Variants in CADM2 observed in about 807,000 individuals in gnomAD.
CADM2 encodes cell adhesion molecule 2.
A neutral mutation model predicts 49.8 loss-of-function variants in CADM2; 12 were observed. That is an observed-to-expected ratio of 0.24 (90% CI 0.15 to 0.39). The LOEUF (loss-of-function observed/expected upper bound fraction) is 0.39. Among genes scored for constraint, CADM2 ranks in the 10% least tolerant of loss-of-function variants. CADM2 has a pLI of 1.00. For missense variants in CADM2, 378 were observed against 492.3 expected (o/e 0.77, Z 2.20); for synonymous variants, 214 against 175.4 (o/e 1.22, Z -1.74).
chr3:85,815,347 T>C (rs984679761), intron 3 of CADM2, among the ~76,000 whole-genome samples: 5 of 152,196 alleles, frequency 3.3e-5, no homozygotes, highest in Admixed American at 6.5e-5. Flanking sequence ...AAATCCTCAA[T>C]AAAATACTGG....
intron 1 of CADM2, among the ~76,000 whole-genome samples, chr3:85,395,681 C>A (rs2034750366): frequency 2.0e-5 from 3 of 151,988 alleles, no homozygotes; most frequent in African/African-American, 7.2e-5. Flanking sequence ...CATATATCAT[C>A]TTGAAAAAGC....
intron 1 of CADM2, among the ~76,000 whole-genome samples, chr3:85,580,225 G>T (rs1167292171): frequency 6.6e-6 from 1 of 152,122 alleles, no homozygotes; most frequent in African/African-American, 2.4e-5. Context: ...CTAGAATTTA[G>T]TAGCAGTTTA....
intron 6 of CADM2, among the ~76,000 whole-genome samples, chr3:85,917,945 T>G (rs1405880872): frequency 6.6e-6 from 1 of 152,202 alleles, no homozygotes; most frequent in Non-Finnish European, 1.5e-5. Flanking sequence ...GAATTGGAGT[T>G]CACTCATGGT....
At chr3:85,943,055 TA>T (rs1179727756) in intron 7 of CADM2, among the ~76,000 whole-genome samples, 2 of 152,164 alleles carry the variant, frequency 1.3e-5, no homozygotes, top group Non-Finnish European at 2.9e-5. Flanking sequence ...TATCTCATTG[TA>T]GTTTTGATTT....
chr3:85,657,727 C>CAGATATATATATACAGATATATATATAT (rs1559574583), intron 1 of CADM2, among the ~76,000 whole-genome samples: 2 of 103,370 alleles, frequency 1.9e-5, no homozygotes, highest in African/African-American at 7.4e-5. Flanking sequence ...TATATATATA[C>CAGATATATATATACAGATATATATATAT]AGATATATAT....
intron 1 of CADM2, among the ~76,000 whole-genome samples, chr3:85,383,512 ATATG>A (rs1341066061): frequency 0.21 from 1,143 of 5,398 alleles, 24 homozygotes; most frequent in African/African-American, 0.29. Context: ...CCATATATAT[ATATG>A]TATATATATA....
At chr3:85,504,940 G>C (rs998719845) in intron 1 of CADM2, among the ~76,000 whole-genome samples, 7 of 152,074 alleles carry the variant, frequency 4.6e-5, no homozygotes, top group South Asian at 4.1e-4. Flanking sequence ...CTCATTGCCC[G>C]GGGCCGGCAG....
chr3:85,807,767 T>C (rs1354298325), intron 3 of CADM2, among the ~76,000 whole-genome samples: 1 of 152,042 alleles, frequency 6.6e-6, no homozygotes, highest in Non-Finnish European at 1.5e-5. Flanking sequence ...TAGATGCTGA[T>C]TCACTCATCA....
intron 1 of CADM2, among the ~76,000 whole-genome samples, chr3:85,499,073 A>G (rs573666495): frequency 2.6e-5 from 4 of 152,192 alleles, no homozygotes; most frequent in Non-Finnish European, 5.9e-5. Flanking sequence ...ATATATGTAT[A>G]TTGAACAGAA....
intron 1 of CADM2, among the ~76,000 whole-genome samples, chr3:85,651,371 C>T (rs1013983217): frequency 2.6e-5 from 4 of 152,102 alleles, no homozygotes; most frequent in Non-Finnish European, 5.9e-5. Flanking sequence ...TGTATTCGTA[C>T]TCCACCCATT....
intron 1 of CADM2, among the ~76,000 whole-genome samples, chr3:85,583,926 T>C (rs550058457): frequency 6.6e-6 from 1 of 152,142 alleles, no homozygotes; most frequent in Non-Finnish European, 1.5e-5. Flanking sequence ...AATTTCCCAA[T>C]ATAATGACTA....
intron 1 of CADM2, among the ~76,000 whole-genome samples, chr3:85,153,794 C>T (rs1410324225): frequency 6.6e-6 from 1 of 152,204 alleles, no homozygotes; most frequent in Non-Finnish European, 1.5e-5. Context: ...GACCCCCGAG[C>T]TGCCTAACTG....
intron 8 of CADM2, among the ~76,000 whole-genome samples, chr3:86,048,781 A>G (rs1736973664): frequency 6.6e-6 from 1 of 152,142 alleles, no homozygotes; most frequent in Admixed American, 6.5e-5. Flanking sequence ...AGGAAAGCAC[A>G]TACTGAACAT....
intron 1 of CADM2, among the ~76,000 whole-genome samples, chr3:85,358,046 T>A (rs752863210): frequency 1.3e-5 from 2 of 152,120 alleles, no homozygotes; most frequent in Admixed American, 1.3e-4. Context: ...CCAAGTTATA[T>A]CAACTTCAGT....
At chr3:86,062,418 C>T (rs958025760) in intron 8 of CADM2, among the ~76,000 whole-genome samples, 6 of 152,006 alleles carry the variant, frequency 3.9e-5, no homozygotes, top group African/African-American at 1.5e-4. Flanking sequence ...TTAATTTTAA[C>T]GTTTAATGTT....
intron 1 of CADM2, among the ~76,000 whole-genome samples, chr3:85,014,936 C>T (rs1289619500): frequency 6.6e-6 from 1 of 152,062 alleles, no homozygotes; most frequent in African/African-American, 2.4e-5. Context: ...CCTTCTATTT[C>T]TTTTTATGCC....
chr3:86,020,831 C>A (rs1428481256), intron 8 of CADM2, among the ~76,000 whole-genome samples: 1 of 152,048 alleles, frequency 6.6e-6, no homozygotes, highest in Non-Finnish European at 1.5e-5. Context: ...ATTGATGGGA[C>A]GTATTTCAAA....
intron 1 of CADM2, among the ~76,000 whole-genome samples, chr3:85,344,762 A>G (rs539662980): frequency 1.3e-5 from 2 of 152,230 alleles, no homozygotes; most frequent in East Asian, 3.9e-4. Flanking sequence ...GCATTTGTAC[A>G]TTTGAATCTA....
At chr3:85,211,099 A>G (rs758889791) in intron 1 of CADM2, among the ~76,000 whole-genome samples, 8 of 152,148 alleles carry the variant, frequency 5.3e-5, no homozygotes, top group Non-Finnish European at 8.8e-5. Context: ...GTAGTCAAAA[A>G]TGAGCCTTTT....
Sources: allele counts gnomAD v4.1 joint callset (sites outside exome capture counted in the v4.1 genomes callset), GRCh38; gene constraint gnomAD v4.1.1; transcripts MANE v1.5; gene names NCBI Gene and HGNC (gene_info 2026-07-23, HGNC 2026-07-21).